TCIRG1: variants seen among roughly 807,000 people sequenced by gnomAD.
TCIRG1 encodes V-type proton ATPase 116 kDa subunit a 3.
TCIRG1 carries 86 observed loss-of-function variants against 95.5 expected under a neutral mutation model. The observed-to-expected ratio is 0.90, with a 90% CI of 0.76 to 1.08. The LOEUF is 1.08. Among genes scored for constraint, TCIRG1 ranks in the 50% least tolerant of loss-of-function variants. The pLI, the probability that TCIRG1 is intolerant of heterozygous loss-of-function variation, is 0.00. For synonymous variants in TCIRG1, 499 were observed against 501.3 expected (o/e 1.00, Z 0.06); for missense variants, 1,069 against 1,140.2 (o/e 0.94, Z 0.90).
intron 10 of TCIRG1, chr11:68,046,903 T>C (rs1317335440): frequency 2.2e-6 from 1 of 456,144 alleles, no homozygotes; most frequent in East Asian, 6.9e-5. Context: ...GTGGAGAACT[T>C]ATGAAGTGGT....
At chr11:68,052,215 G>C (rs192280425), downstream of TCIRG1, 3 of 135,712 alleles carry the variant, frequency 2.2e-5, no homozygotes, top group Non-Finnish European at 4.9e-5. Flanking sequence ...GGAGAGAAAC[G>C]ATGGGCCAGG....
rs747906395 is a variant in TCIRG1 at position 68,044,142 on chromosome 11, A to G, written c.818A>G (p.Glu273Gly). The change falls in exon 9 of 20, where the codon GAG (glutamate) becomes GGG (glycine). Residue 273 changes from glutamate (E) to glycine (G), a missense_variant. Physicochemically the swap from Glu to Gly is moderately conservative, Grantham distance 98. Transcript: ENST00000265686. ...QSQELQEVLG[E>G]TERFLSQVLG... ...CCCACTCTGGCGCAGGTCCTCGGGG[A>G]GACAGAGCGGTTCCTGAGCCAGGTG... 11 of 1,549,162 alleles carry G rather than the reference A, an allele frequency of 7.1e-6. No homozygotes were observed. The African/African-American group carries it at 1.5e-4, about 21-fold the overall frequency.
At position 68,050,855 on chromosome 11, in the gene TCIRG1, C is replaced by T. The variant is rs1457036453; in HGVS notation, c.*36C>T. The T allele has an allele frequency of 2.5e-6, 4 of 1,605,012 alleles. No homozygotes were observed. Among genetic ancestry groups the T allele is most frequent in the East Asian group, 2.2e-5 (1 of 44,874 alleles). ...AGGTCCTGCCAGACCTCCTTCCTGACCTCTGAGGCAGGAGAGGAATAAAGA... is the reference window on the plus strand; with the variant it reads ...AGGTCCTGCCAGACCTCCTTCCTGATCTCTGAGGCAGGAGAGGAATAAAGA... On this transcript the variant is annotated 3_prime_UTR_variant, in exon 20 of 20. Transcript: ENST00000265686.
At position 68,047,866 on chromosome 11, in the gene TCIRG1, C is replaced by T. The variant is rs1294515622; in HGVS notation, c.1464-16C>T. 4 of 1,613,342 alleles carry T rather than the reference C, an allele frequency of 2.5e-6. No homozygotes were observed. The South Asian group carries it at 3.3e-5, about 13-fold the overall frequency. The stretch of plus-strand genomic sequence containing the variant: ...AGCACCCGCAGCCCTGACCGCCCTC[C>T]CCTGCGTTGCCGCAGTGATGCATTC... On this transcript the variant is annotated splice_polypyrimidine_tract_variant and intron_variant, in intron 12 of 19. Transcript: ENST00000265686.
Position 68,048,941 on chromosome 11 carries a change from C to T in TCIRG1, c.1617C>T (p.Val539=), listed in dbSNP as rs1306478950. ...ACTCCTTCAAGATGAAGATGTCCGT[C>T]ATCCTGGGCGTCGTGCACATGGCCT... is the stretch of plus-strand genomic sequence containing the variant. ...FLNSFKMKMS[V]ILGVVHMAFG... is the part of the protein sequence containing the mutation. Residue 539 remains valine (V), a synonymous_variant, in exon 14 of 20, where the codon GTC becomes GTT. Transcript: ENST00000265686. 2 of 1,613,610 alleles carry T rather than the reference C, an allele frequency of 1.2e-6. No individual in the cohort carries two copies. Among genetic ancestry groups the T allele is most frequent in the Non-Finnish European group, 1.7e-6 (2 of 1,180,050 alleles).
rs1554999205 is a variant in TCIRG1 at position 68,049,295 on chromosome 11, G to A, written c.1887+1G>A. ...CAACAGGCTGCTCTACCCCCGGCAG[G>A]TGGGCTGCGGCTGGTGGGGGCCGGG... is the stretch of plus-strand genomic sequence containing the variant. On this transcript the variant is annotated splice_donor_variant, in intron 15 of 19. Coordinates refer to ENST00000265686, the MANE Select transcript of TCIRG1 (RefSeq NM_006019.4). LOFTEE classifies it high-confidence loss of function. The A allele has an allele frequency of 1.9e-6, 3 of 1,605,726 alleles. No individual in the cohort carries two copies. Among genetic ancestry groups the A allele is most frequent in the Non-Finnish European group, 2.6e-6 (3 of 1,175,840 alleles).
chr11:68,044,119 C>T lies in TCIRG1; in HGVS notation c.808-13C>T, dbSNP rs1190348194. On this transcript the variant is annotated splice_polypyrimidine_tract_variant and intron_variant, in intron 8 of 19. Coordinates refer to ENST00000265686, the MANE Select transcript of TCIRG1 (RefSeq NM_006019.4). The stretch of plus-strand genomic sequence containing the variant: ...GCCTGCCCAGCCCCCGCTGACTGCC[C>T]ACTCTGGCGCAGGTCCTCGGGGAGA... 6.5e-7 allele frequency: 1 copy of T among 1,545,782 alleles called. No homozygotes were observed. The highest frequency in any genetic ancestry group is 8.7e-7 in the Non-Finnish European group (1 of 1,146,084).
chr11:68,045,152 A>G (rs1271856326), intron 10 of TCIRG1, 50 bp downstream of exon 10: 1 of 1,597,042 alleles, frequency 6.3e-7, no homozygotes, highest in Non-Finnish European at 8.5e-7. Context: ...CAGCTGCCCC[A>G]CTGGGTGGGT....
chr11:68,053,116 A>G (rs1033888762), downstream of TCIRG1: 2 of 152,316 alleles, frequency 1.3e-5, no homozygotes, highest in African/African-American at 4.8e-5. Flanking sequence ...CCCTTGGAGA[A>G]CCCTGCCCAG....
chr11:68,041,276 G>C lies in TCIRG1; in HGVS notation c.5G>C (p.Gly2Ala). Residue 2 changes from glycine to alanine, a missense_variant, in exon 2 of 20, where the codon GGC becomes GCC. Coordinates refer to ENST00000265686, the MANE Select transcript of TCIRG1 (RefSeq NM_006019.4). ...TCCGTGTCCACCCACAGGACCATGGGCTCCATGTTCCGGAGCGAGGAGGTG... is the reference window on the plus strand; with the variant it reads ...TCCGTGTCCACCCACAGGACCATGGCCTCCATGTTCCGGAGCGAGGAGGTG... M[G>A]SMFRSEEVAL... 3 of 1,610,386 alleles carry C rather than the reference G, an allele frequency of 1.9e-6. No individual in the cohort carries two copies.
In TCIRG1 at chr11:68,049,960, A is replaced by G; in HGVS notation, c.2014-2A>G. The G allele has an allele frequency of 6.2e-7, 1 of 1,609,554 alleles. No homozygotes were observed. The highest frequency in any genetic ancestry group is 8.5e-7 in the Non-Finnish European group (1 of 1,178,908). ...TGCCAACACTGCCTGCTCATGCCCC[A>G]GGAGGAAAACAAGGCCGGGTTGCTG... On this transcript the variant is annotated splice_acceptor_variant, in intron 16 of 19. Coordinates refer to ENST00000265686, the MANE Select transcript of TCIRG1 (RefSeq NM_006019.4). LOFTEE classifies it high-confidence loss of function.
At position 68,050,881 on chromosome 11, in the gene TCIRG1, C is replaced by G; in HGVS notation, c.*62C>G. 3 of 1,564,526 alleles carry G rather than the reference C, an allele frequency of 1.9e-6. No homozygotes were observed. Among genetic ancestry groups the G allele is most frequent in the South Asian group, 1.1e-5 (1 of 89,712 alleles). Reference sequence around the variant, plus strand: ...CTCTGAGGCAGGAGAGGAATAAAGACGGTCCGCCCTGGCAGTGATGTCTCG... The same window carrying G: ...CTCTGAGGCAGGAGAGGAATAAAGAGGGTCCGCCCTGGCAGTGATGTCTCG... On this transcript the variant is annotated 3_prime_UTR_variant, in exon 20 of 20. Transcript: ENST00000265686.
chr11:68,049,303 C>T lies in TCIRG1; in HGVS notation c.1887+9C>T, dbSNP rs762836695. Reference sequence around the variant, plus strand: ...TGCTCTACCCCCGGCAGGTGGGCTGCGGCTGGTGGGGGCCGGGCTCACACG... The same window carrying T: ...TGCTCTACCCCCGGCAGGTGGGCTGTGGCTGGTGGGGGCCGGGCTCACACG... On this transcript the variant is annotated intron_variant, in intron 15 of 19. Coordinates refer to ENST00000265686, the MANE Select transcript of TCIRG1 (RefSeq NM_006019.4). 1.1e-5 allele frequency: 17 copies of T among 1,603,068 alleles called. No individual in the cohort carries two copies. The highest frequency in any genetic ancestry group is 6.7e-5 in the African/African-American group (5 of 74,750).
chr11:68,048,975 G>C lies in TCIRG1; in HGVS notation c.1651G>C (p.Val551Leu), dbSNP rs975157991. 1.2e-6 allele frequency: 2 copies of C among 1,613,566 alleles called. No homozygotes were observed. The highest frequency in any genetic ancestry group is 1.7e-6 in the Non-Finnish European group (2 of 1,180,024). Residue 551 changes from valine (V) to leucine (L), a missense_variant, in exon 14 of 20, where the codon GTC (valine) becomes CTC (leucine). Val to Leu is a conservative substitution (Grantham distance 32, BLOSUM62 1). Coordinates refer to ENST00000265686, the MANE Select transcript of TCIRG1 (RefSeq NM_006019.4). ...LGVVHMAFGVVLGVFNHVHFG... is the reference protein window; with the variant it reads ...LGVVHMAFGVLLGVFNHVHFG... ...CGTCGTGCACATGGCCTTTGGGGTG[G>C]TCCTCGGAGTCTTCAACCACGTGTG...
rs538805960 is a variant in TCIRG1, at chr11:68,043,395, C to A, written c.528C>A (p.Pro176=). The change falls in exon 6 of 20, where the codon CCC becomes CCA. Residue 176 remains proline (P), a synonymous_variant. Coordinates refer to ENST00000265686, the MANE Select transcript of TCIRG1 (RefSeq NM_006019.4). ...GCTTTGTGGCAGGTGCCGTGGAGCCCCACAAGGCCCCTGCCCTAGAGCGCC... is the reference window on the plus strand; with the variant it reads ...GCTTTGTGGCAGGTGCCGTGGAGCCACACAAGGCCCCTGCCCTAGAGCGCC... ...RVNFVAGAVE[P]HKAPALERLL... The A allele has an allele frequency of 2.4e-4, 363 of 1,540,568 alleles. No homozygotes were observed. The African/African-American group carries it at 4.4e-3, about 19-fold the overall frequency.
rs959970488 is a variant in TCIRG1 at position 68,050,346 on chromosome 11, T to C, written c.2236+92T>C. On this transcript the variant is annotated intron_variant, in intron 18 of 19. Coordinates refer to ENST00000265686, the MANE Select transcript of TCIRG1 (RefSeq NM_006019.4). ...CGGGTTGCTTCTCTCTGGGCCTCAG[T>C]TTCCCCTCTGTAAAGTGGGACTGTC... 1.8e-5 allele frequency: 29 copies of C among 1,598,806 alleles called. No homozygotes were observed. In the African/African-American group the frequency reaches 3.7e-4, roughly 21 times the overall value.
chr11:68,045,098 C>T lies in TCIRG1; in HGVS notation c.1161C>T (p.Asn387=). ...AYGVGRYQEV[N]PAPYTIITFP... is the part of the protein sequence containing the mutation. ...GCGTGGGCCGCTACCAGGAGGTCAA[C>T]CCCGGTGAGAGCCACGGCATCCTTA... Residue 387 remains asparagine (N), a synonymous_variant, in exon 10 of 20, where the codon AAC becomes AAT. Transcript: ENST00000265686. 1 of 1,601,092 alleles carries T rather than the reference C, an allele frequency of 6.2e-7. No homozygotes were observed. The highest frequency in any genetic ancestry group is 1.7e-5 in the Admixed American group (1 of 60,030).
intron 15 of TCIRG1, 147 bp from the exon 16 acceptor site, chr11:68,049,516 C>A (rs950588240): frequency 8.4e-6 from 10 of 1,193,124 alleles, no homozygotes; most frequent in Non-Finnish European, 1.2e-5. Flanking sequence ...TGGAGGCAGA[C>A]CCTCACCCAG....
intron 7 of TCIRG1, 74 bp downstream of exon 7, chr11:68,043,727 C>T (rs939899228): frequency 2.0e-4 from 300 of 1,536,172 alleles, no homozygotes; most frequent in Middle Eastern, 1.7e-4. Flanking sequence ...CCCGCCCTAT[C>T]GTGACTCCTC....
Sources: allele counts gnomAD v4.1 joint callset, GRCh38; gene constraint gnomAD v4.1.1; transcripts MANE v1.5; gene names NCBI Gene and HGNC (gene_info 2026-07-23, HGNC 2026-07-21).